The following SLC25A20 variants were observed in gnomAD, a reference collection of about 807,000 sequenced individuals.
SLC25A20 encodes the protein solute carrier family 25 member 20.
A neutral mutation model predicts 39.7 loss-of-function variants in SLC25A20; 29 were observed. The observed-to-expected ratio is 0.73, with a 90% CI of 0.54 to 1.00. The LOEUF (loss-of-function observed/expected upper bound fraction) is 1.00. Among genes scored for constraint, SLC25A20 ranks in the 50% least tolerant of loss-of-function variants. SLC25A20 has a pLI of 0.00. For missense variants in SLC25A20, 333 were observed against 379.9 expected (o/e 0.88, Z 1.03); for synonymous variants, 103 against 142.2 (o/e 0.72, Z 1.96).
intron 4 of SLC25A20, among the ~76,000 whole-genome samples, chr3:48,863,198 TA>T (rs917960927): frequency 8.6e-5 from 13 of 152,044 alleles, no homozygotes; most frequent in Non-Finnish European, 1.6e-4. Context: ...TCTCAAAATT[TA>T]AAAATAAAAA....
At chr3:48,893,426 T>C (rs1321700079) in intron 1 of SLC25A20, among the ~76,000 whole-genome samples, 1 of 152,076 alleles carries the variant, frequency 6.6e-6, no homozygotes, top group African/African-American at 2.4e-5. Flanking sequence ...ATCCCAGAAC[T>C]TTGGGAGGCA....
intron 4 of SLC25A20, among the ~76,000 whole-genome samples, chr3:48,871,994 T>C (rs974434725): frequency 2.9e-5 from 4 of 140,110 alleles, no homozygotes; most frequent in African/African-American, 1.1e-4. Flanking sequence ...TTTTTTTTTT[T>C]TTTTTTTTTT....
chr3:48,862,519 C>G (rs201179918), intron 5 of SLC25A20, 23 bp downstream of exon 5: 1 of 1,526,804 alleles, frequency 6.5e-7, no homozygotes, highest in Non-Finnish European at 9.1e-7. Context: ...CAGGTGACCT[C>G]AAGTGGAGGC....
intron 3 of SLC25A20, among the ~76,000 whole-genome samples, chr3:48,880,292 T>C (rs1419231594): frequency 6.6e-6 from 1 of 152,038 alleles, no homozygotes; most frequent in African/African-American, 2.4e-5. Context: ...TGTTTGTTTG[T>C]GTTTGTTTTG....
chr3:48,890,289 C>A (rs2083863367), intron 2 of SLC25A20, among the ~76,000 whole-genome samples: 1 of 152,030 alleles, frequency 6.6e-6, no homozygotes, highest in South Asian at 2.1e-4. Flanking sequence ...TGGGTTCACG[C>A]CATTCTCCTG....
chr3:48,860,225 C>T (rs1224188094), intron 5 of SLC25A20, among the ~76,000 whole-genome samples: 6 of 151,174 alleles, frequency 4.0e-5, no homozygotes, highest in Non-Finnish European at 5.9e-5. Flanking sequence ...GGCTTGAACC[C>T]GGGAGGTGGA....
Position 48,894,183 on chromosome 3 carries a change from TTCTCTC to T in SLC25A20, c.106-2117_106-2112del, listed in dbSNP as rs375593797. On this transcript the variant is annotated intron_variant, in intron 1 of 8. Coordinates refer to ENST00000319017, the MANE Select transcript of SLC25A20 (RefSeq NM_000387.6). ...CAAAAAAAAAAAAAAAAGAAGAAGATTCTCTCTCTCTCTCTCTCTCTCTCTCTCTCT... is the reference window on the plus strand; with the variant it reads ...CAAAAAAAAAAAAAAAAGAAGAAGATTCTCTCTCTCTCTCTCTCTCTCTCT... Among the ~76,000 whole-genome samples the T allele has an allele frequency of 7.2e-4, 79 of 110,276 alleles. 1 individual carries two copies. Among genetic ancestry groups the T allele is most frequent in the African/African-American group, 1.1e-3 (31 of 28,454 alleles). The allele number at this position is 110,276 out of a possible 152,430, so 72.3% of individuals were successfully genotyped here. A position where few individuals can be genotyped will look rare whatever the true frequency, so the allele number is the denominator to read the frequency against.
intron 1 of SLC25A20, 135 bp from the exon 2 acceptor site, chr3:48,892,207 T>A (rs1284486136): frequency 1.4e-6 from 1 of 724,114 alleles, no homozygotes; most frequent in African/African-American, 1.7e-5. Context: ...CTTAACCTGC[T>A]GGATTCAAAC....
At position 48,892,684 on chromosome 3, in the gene SLC25A20, C is replaced by T. The variant is rs149736278; in HGVS notation, c.106-612G>A. ...CAGTCAGCCTTTTGATCTATTTAGG[C>T]CTTCAACTGGATGAGGTCCACTCAC... On this transcript the variant is annotated intron_variant, in intron 1 of 8. Coordinates refer to ENST00000319017, the MANE Select transcript of SLC25A20 (RefSeq NM_000387.6). 2.0e-5 allele frequency among the ~76,000 whole-genome samples: 3 copies of T among 152,248 alleles called. No individual in the cohort carries two copies. The East Asian group carries it at 5.8e-4, about 29-fold the overall frequency.
Position 48,864,606 on chromosome 3 carries a change from T to C in SLC25A20, c.418-1947A>G, listed in dbSNP as rs996874380. Among the ~76,000 whole-genome samples the C allele has an allele frequency of 1.5e-3, 227 of 151,928 alleles. 3 individuals are homozygous for C. The highest frequency in any genetic ancestry group is 5.2e-4 in the Non-Finnish European group (35 of 67,960). On this transcript the variant is annotated intron_variant, in intron 4 of 8. Coordinates refer to ENST00000319017, the MANE Select transcript of SLC25A20 (RefSeq NM_000387.6). ...CTTCCCCAAAGTATCCAGACATATG[T>C]ACCTGGTATGTCTGAGGAACAGAAG...
intron 3 of SLC25A20, 22 bp from the exon 4 acceptor site, chr3:48,879,470 G>C: frequency 1.9e-6 from 3 of 1,572,036 alleles, no homozygotes; most frequent in Non-Finnish European, 2.6e-6. Context: ...ACAAAAAGCA[G>C]AAGCAAGCAC....
chr3:48,888,847 G>C (rs1349680134), intron 2 of SLC25A20, among the ~76,000 whole-genome samples: 2 of 152,086 alleles, frequency 1.3e-5, no homozygotes, highest in Non-Finnish European at 2.9e-5. Context: ...AGCACTTCGG[G>C]AGGCTGAGGC....
intron 4 of SLC25A20, among the ~76,000 whole-genome samples, chr3:48,872,339 A>G (rs538959185): frequency 6.6e-6 from 1 of 151,854 alleles, no homozygotes; most frequent in African/African-American, 2.4e-5. Flanking sequence ...CATGTTGGCC[A>G]GGCTGATCTC....
At chr3:48,888,779 G>C (rs1174214621) in intron 2 of SLC25A20, among the ~76,000 whole-genome samples, 1 of 151,612 alleles carries the variant, frequency 6.6e-6, no homozygotes, top group Non-Finnish European at 1.5e-5. Flanking sequence ...CTATAATAGA[G>C]TGTTTATATG....
At chr3:48,867,248 T>G (rs2083677954) in intron 4 of SLC25A20, among the ~76,000 whole-genome samples, 2 of 151,670 alleles carry the variant, frequency 1.3e-5, no homozygotes, top group African/African-American at 4.8e-5. Flanking sequence ...AAAGTTTGTT[T>G]TTGTTTTCTT....
rs548964679 is a variant in SLC25A20, at chr3:48,892,771, C to T, written c.106-699G>A. Among the ~76,000 whole-genome samples, 3 of 152,246 alleles carry T rather than the reference C, an allele frequency of 2.0e-5. No individual in the cohort carries two copies. In the South Asian group the frequency reaches 6.2e-4, roughly 32 times the overall value. On this transcript the variant is annotated intron_variant, in intron 1 of 8. Transcript: ENST00000319017. ...TTCAAATGTTAATATCCAAAACCAC[C>T]CTCACAAGCACACTCAGAATAATGT...
chr3:48,890,391 G>A (rs774556076), intron 2 of SLC25A20, among the ~76,000 whole-genome samples: 33 of 151,890 alleles, frequency 2.2e-4, no homozygotes, highest in Non-Finnish European at 4.3e-4. Context: ...GGGTTTCACC[G>A]TGTTAGCTAG....
At position 48,859,166 on chromosome 3, in the gene SLC25A20, G is replaced by C; in HGVS notation, c.644C>G (p.Ala215Gly). Reference protein sequence around the residue: ...SELSAPRILVAGGIAGIFNWA... With the variant: ...SELSAPRILVGGGIAGIFNWA... ...GTTGAAGATCCCTGCAATGCCCCCA[G>C]CCACCAAGATCCGAGGGGCACTGAG... Residue 215 changes from alanine (A) to glycine (G), a missense_variant, in exon 7 of 9, where the codon GCT (alanine) becomes GGT (glycine). Physicochemically the swap from Ala to Gly is moderately conservative, Grantham distance 60. Coordinates refer to ENST00000319017, the MANE Select transcript of SLC25A20 (RefSeq NM_000387.6). 6.2e-7 allele frequency: 1 copy of C among 1,614,054 alleles called. No homozygotes were observed. Among genetic ancestry groups the C allele is most frequent in the Non-Finnish European group, 8.5e-7 (1 of 1,180,014 alleles).
At chr3:48,866,268 A>G (rs1210818195) in intron 4 of SLC25A20, among the ~76,000 whole-genome samples, 3 of 151,254 alleles carry the variant, frequency 2.0e-5, no homozygotes, top group Admixed American at 1.3e-4. Flanking sequence ...AAAAAACCAG[A>G]AACAGGCTGG....
Sources: allele counts gnomAD v4.1 joint callset (sites outside exome capture counted in the v4.1 genomes callset), GRCh38; gene constraint gnomAD v4.1.1; transcripts MANE v1.5; gene names NCBI Gene and HGNC (gene_info 2026-07-23, HGNC 2026-07-21).